PKHD1: variants seen among roughly 807,000 people sequenced by gnomAD.
PKHD1 encodes the protein PKHD1 ciliary IPT domain containing fibrocystin/polyductin, also known as fibrocystin.
Under a neutral mutation model 412.0 loss-of-function variants are expected in PKHD1, and 291 were observed. The observed-to-expected ratio is 0.71, with a 90% confidence interval of 0.64 to 0.78. The LOEUF (loss-of-function observed/expected upper bound fraction) is 0.78. Ranked by LOEUF, PKHD1 falls within the 30% of genes least tolerant of loss-of-function variation. The pLI is 0.00. For synonymous variants in PKHD1, 1,777 were observed against 1,821.5 expected, an observed-to-expected ratio of 0.98 and a Z score of 0.62; for missense variants, 4,825 against 4,950.7, an observed-to-expected ratio of 0.97 and a Z score of 0.76.
chr6:51,725,763 C>A (rs1410883148), intron 60 of PKHD1, among the ~76,000 whole-genome samples: 1 of 152,140 alleles, frequency 6.6e-6, no homozygotes, highest in Non-Finnish European at 1.5e-5. Context: ...AGCTTCAAAC[C>A]AACAATTTTA....
At chr6:51,950,295 TTCATCAAC>T (rs1790168584) in intron 36 of PKHD1, among the ~76,000 whole-genome samples, 1 of 150,204 alleles carries the variant, frequency 6.7e-6, no homozygotes, top group Non-Finnish European at 1.5e-5. Context: ...AGAAACCATT[TTCATCAAC>T]TCAGATTTCC....
chr6:51,912,724 T>C lies in PKHD1; in HGVS notation c.6122-148A>G, dbSNP rs1373414505. 6 of 660,332 alleles carry C rather than the reference T, an allele frequency of 9.1e-6. No homozygotes were observed. In the East Asian group the frequency reaches 1.1e-4, roughly 12 times the overall value. 40.9% of individuals were successfully genotyped at this position (660,332 alleles called of 1,614,324 possible). A position where few individuals can be genotyped will look rare whatever the true frequency, so the allele number is the denominator to read the frequency against. Reference sequence around the variant, plus strand: ...AGCAAGCTTCAGGATAGGTAAGCACTAATTTTTTTATATTAGTTTTGTTTT... The same window carrying C: ...AGCAAGCTTCAGGATAGGTAAGCACCAATTTTTTTATATTAGTTTTGTTTT... On this transcript the variant is annotated intron_variant, in intron 37 of 66. Transcript: ENST00000371117.
intron 19 of PKHD1, 84 bp downstream of exon 19, chr6:52,055,503 T>G (rs976167016): frequency 6.8e-7 from 1 of 1,478,910 alleles, no homozygotes; most frequent in Non-Finnish European, 9.4e-7. Context: ...CACTCCTTTG[T>G]GCTTCTGAGT....
chr6:52,072,337 G>A, intron 7 of PKHD1, 148 bp from the exon 8 acceptor site: 1 of 688,346 alleles, frequency 1.5e-6, no homozygotes, highest in East Asian at 2.7e-5. Context: ...GAAGGCGGAT[G>A]TCAAGTCAAA....
intron 35 of PKHD1, among the ~76,000 whole-genome samples, chr6:52,007,367 T>C (rs759960108): frequency 6.6e-6 from 1 of 152,196 alleles, no homozygotes; most frequent in African/African-American, 2.4e-5. Context: ...AATTCTTGAA[T>C]TTGGAACAGG....
intron 1 of PKHD1, among the ~76,000 whole-genome samples, chr6:52,085,494 A>T (rs1812639767): frequency 6.6e-6 from 1 of 151,894 alleles, no homozygotes; most frequent in African/African-American, 2.4e-5. Flanking sequence ...CCCTTCCTGG[A>T]TGCCCTCAAC....
chr6:51,730,504 T>C (rs1487515093), intron 60 of PKHD1, among the ~76,000 whole-genome samples: 4 of 152,248 alleles, frequency 2.6e-5, no homozygotes, highest in African/African-American at 7.2e-5. Flanking sequence ...AACTAAATTG[T>C]CAAATGCATC....
At chr6:51,663,806 G>A (rs1339355789) in intron 60 of PKHD1, among the ~76,000 whole-genome samples, 2 of 151,928 alleles carry the variant, frequency 1.3e-5, no homozygotes. Context: ...ATATATGTTA[G>A]GCAATACTGT....
intron 35 of PKHD1, among the ~76,000 whole-genome samples, chr6:51,984,565 T>C (rs1795980090): frequency 6.6e-6 from 1 of 152,244 alleles, no homozygotes; most frequent in Non-Finnish European, 1.5e-5. Flanking sequence ...AACAATGGTC[T>C]GTGTTCAGTG....
At chr6:52,075,853 G>A (rs1811256955) in intron 6 of PKHD1, among the ~76,000 whole-genome samples, 1 of 151,906 alleles carries the variant, frequency 6.6e-6, no homozygotes, top group Non-Finnish European at 1.5e-5. Context: ...CTGCAAAATG[G>A]GAATAAAAAT....
rs557932957 is a variant in PKHD1 at position 52,025,082 on chromosome 6, A to G, written c.4728T>C (p.Phe1576=). 1 of 1,614,192 alleles carries G rather than the reference A, an allele frequency of 6.2e-7. No individual in the cohort carries two copies. The highest frequency in any genetic ancestry group is 1.3e-5 in the African/African-American group (1 of 75,050). ...SRHFYIMPQV[F]HYFPKNFSLH... ...AGCTGAAATTCTTAGGAAAATAATG[A>G]AACACTTGGGGCATAATGTAGAAGT... The change falls in exon 32 of 67, where the codon TTT becomes TTC. Residue 1576 remains phenylalanine, a synonymous_variant. Coordinates refer to ENST00000371117, the MANE Select transcript of PKHD1 (RefSeq NM_138694.4).
intron 52 of PKHD1, among the ~76,000 whole-genome samples, chr6:51,829,666 C>T (rs1183300397): frequency 1.3e-5 from 2 of 152,178 alleles, no homozygotes; most frequent in Non-Finnish European, 1.5e-5. Flanking sequence ...ACCTGTCCCT[C>T]GTGTCTCTGG....
Position 51,659,395 on chromosome 6 carries a change from T to C in PKHD1, c.10731A>G (p.Glu3577=). The C allele has an allele frequency of 6.2e-7, 1 of 1,613,716 alleles. No individual in the cohort carries two copies. The highest frequency in any genetic ancestry group is 8.5e-7 in the Non-Finnish European group (1 of 1,179,836). Reference sequence around the variant, plus strand: ...TAGTTAGTCTTTCGAGTATTACTATTTCCCAGCCTTTTTCTAAGACTGAAA... The same window carrying C: ...TAGTTAGTCTTTCGAGTATTACTATCTCCCAGCCTTTTTCTAAGACTGAAA... ...VMVSVLEKGW[E]IVILERLTNF... is the part of the protein sequence containing the mutation. Residue 3577 remains glutamate, a synonymous_variant, in exon 61 of 67, where the codon GAA becomes GAG. Coordinates refer to ENST00000371117, the MANE Select transcript of PKHD1 (RefSeq NM_138694.4).
At chr6:51,824,172 C>A (rs1562394108) in intron 52 of PKHD1, among the ~76,000 whole-genome samples, 1 of 151,972 alleles carries the variant, frequency 6.6e-6, no homozygotes, top group Non-Finnish European at 1.5e-5. Context: ...GCCAAATCAA[C>A]AATTCTATGT....
intron 53 of PKHD1, among the ~76,000 whole-genome samples, chr6:51,780,169 CA>C (rs1282549811): frequency 6.6e-6 from 1 of 152,072 alleles, no homozygotes; most frequent in African/African-American, 2.4e-5. Context: ...AGGCAGATCA[CA>C]AGGTCAAGAG....
intron 43 of PKHD1, among the ~76,000 whole-genome samples, chr6:51,900,940 G>C (rs1283962071): frequency 2.6e-5 from 4 of 152,188 alleles, no homozygotes; most frequent in Non-Finnish European, 5.9e-5. Context: ...CTGGCCATCA[G>C]AGAAATGCAA....
chr6:52,017,176 G>A (rs1044581602), intron 34 of PKHD1, among the ~76,000 whole-genome samples: 9 of 152,180 alleles, frequency 5.9e-5, no homozygotes, highest in South Asian at 2.1e-4. Context: ...AGAACAAAGC[G>A]AGCTGTTTAC....
At chr6:51,763,308 A>G (rs1788363261) in intron 55 of PKHD1, among the ~76,000 whole-genome samples, 1 of 152,110 alleles carries the variant, frequency 6.6e-6, no homozygotes, top group Non-Finnish European at 1.5e-5. Context: ...GAGGCCTGAC[A>G]TATAACAAGC....
rs561555623 is a variant in PKHD1, at chr6:51,742,798, A to G, written c.10156+1587T>C. Among the ~76,000 whole-genome samples, 4 of 152,274 alleles carry G rather than the reference A, an allele frequency of 2.6e-5. No homozygotes were observed. The East Asian group carries it at 7.7e-4, about 29-fold the overall frequency. On this transcript the variant is annotated intron_variant, in intron 60 of 66. Coordinates refer to ENST00000371117, the MANE Select transcript of PKHD1 (RefSeq NM_138694.4). ...TTATAATATAATGTTAAGTACCACG[A>G]CTCTAACAAACAATAAAGCAAGCAC...
Sources: allele counts gnomAD v4.1 joint callset (sites outside exome capture counted in the v4.1 genomes callset), GRCh38; gene constraint gnomAD v4.1.1; transcripts MANE v1.5; gene names NCBI Gene and HGNC (gene_info 2026-07-23, HGNC 2026-07-21).